The following RNF217 variants were observed in gnomAD, a reference collection of about 807,000 sequenced individuals.
RNF217 encodes the protein ring finger protein 217, also known as E3 ubiquitin-protein ligase RNF217.
Under a neutral mutation model 57.8 loss-of-function variants are expected in RNF217, and 31 were observed. The observed-to-expected ratio is 0.54, with a 90% CI of 0.40 to 0.72. The LOEUF is 0.72. RNF217 is among the 30% of genes least tolerant of loss of function. The pLI, the probability that RNF217 is intolerant of heterozygous loss-of-function variation, is 0.00. For synonymous variants in RNF217, 313 were observed against 294.0 expected (o/e 1.06, Z -0.66); for missense variants, 696 against 708.3 (o/e 0.98, Z 0.20).
At chr6:125,058,305 C>T (rs575462696) in intron 3 of RNF217, among the ~76,000 whole-genome samples, 199 bp downstream of exon 3, 14 of 151,970 alleles carry the variant, frequency 9.2e-5, no homozygotes, top group African/African-American at 3.4e-4. Flanking sequence ...TTTTGCATTA[C>T]TCTTCAAAAT....
chr6:125,031,344 A>AT (rs1330804382), intron 1 of RNF217, among the ~76,000 whole-genome samples: 3 of 152,120 alleles, frequency 2.0e-5, no homozygotes, highest in African/African-American at 7.2e-5. Context: ...GCTGGCTTGA[A>AT]TTTTTCTGTA....
intron 1 of RNF217, among the ~76,000 whole-genome samples, chr6:124,978,448 G>T (rs1056995447): frequency 3.3e-5 from 5 of 151,324 alleles, no homozygotes; most frequent in Non-Finnish European, 7.4e-5. Flanking sequence ...TGAGGGGAAT[G>T]CGGTGGTGCC....
At chr6:125,006,453 A>T (rs1785182437) in intron 1 of RNF217, among the ~76,000 whole-genome samples, 1 of 152,222 alleles carries the variant, frequency 6.6e-6, no homozygotes, top group African/African-American at 2.4e-5. Context: ...ATTATGTTAT[A>T]TAGTTACAAT....
At chr6:124,984,801 G>T (rs1195224255) in intron 1 of RNF217, among the ~76,000 whole-genome samples, 1 of 152,058 alleles carries the variant, frequency 6.6e-6, no homozygotes, top group Non-Finnish European at 1.5e-5. Flanking sequence ...ATACAACTCT[G>T]AAAGGAAATG....
chr6:124,987,533 A>G (rs1784405974), intron 1 of RNF217, among the ~76,000 whole-genome samples: 1 of 152,230 alleles, frequency 6.6e-6, no homozygotes, highest in Non-Finnish European at 1.5e-5. Flanking sequence ...GGAAATTTCA[A>G]GGTCCAAAAA....
At chr6:125,030,448 G>A (rs936507461) in intron 1 of RNF217, among the ~76,000 whole-genome samples, 5 of 152,280 alleles carry the variant, frequency 3.3e-5, no homozygotes, top group African/African-American at 7.2e-5. Flanking sequence ...TCAAAAGCAA[G>A]CTAGTTACTT....
chr6:124,969,311 A>G (rs150787221), intron 1 of RNF217, among the ~76,000 whole-genome samples: 1 of 152,362 alleles, frequency 6.6e-6, no homozygotes, highest in East Asian at 1.9e-4. Flanking sequence ...TAAAGAAAAC[A>G]CAATTTTGCT....
At chr6:124,988,403 AG>A (rs1784434138) in intron 1 of RNF217, among the ~76,000 whole-genome samples, 2 of 152,242 alleles carry the variant, frequency 1.3e-5, no homozygotes, top group Non-Finnish European at 2.9e-5. Flanking sequence ...AAGGCACATC[AG>A]GATATTCAGC....
At chr6:124,983,910 ACTGT>A (rs1784270587) in intron 1 of RNF217, among the ~76,000 whole-genome samples, 1 of 152,138 alleles carries the variant, frequency 6.6e-6, no homozygotes, top group South Asian at 2.1e-4. Flanking sequence ...CAGAAGATTC[ACTGT>A]CTGGTGAGGG....
intron 1 of RNF217, among the ~76,000 whole-genome samples, chr6:124,988,949 T>C (rs1249928590): frequency 6.6e-6 from 1 of 152,122 alleles, no homozygotes; most frequent in African/African-American, 2.4e-5. Flanking sequence ...TGCATGTTAA[T>C]GTTGCTTCCA....
intron 1 of RNF217, among the ~76,000 whole-genome samples, chr6:125,040,740 C>G (rs940218552): frequency 6.6e-6 from 1 of 152,120 alleles, no homozygotes; most frequent in Non-Finnish European, 1.5e-5. Context: ...GCTTATCCAC[C>G]ACGATCAAGT....
intron 1 of RNF217, among the ~76,000 whole-genome samples, chr6:125,034,872 T>C (rs1786536563): frequency 2.0e-5 from 3 of 152,142 alleles, no homozygotes; most frequent in South Asian, 2.1e-4. Context: ...TTTTATTTCA[T>C]TGAGCAGTGG....
rs759139733 is a variant in RNF217, at chr6:125,082,494, G to A, written c.1556-370G>A. 5.0e-6 allele frequency: 8 copies of A among 1,612,412 alleles called. No homozygotes were observed. The highest frequency in any genetic ancestry group is 6.8e-6 in the Non-Finnish European group (8 of 1,179,094). ...TGGAACCTCATAAGTGGTAGAACCA[G>A]GAATCAAACCCAACATTTGGCTCCA... On this transcript the variant is annotated intron_variant, in intron 5 of 5. Transcript: ENST00000521654.
chr6:124,970,210 A>C (rs931928547), intron 1 of RNF217, among the ~76,000 whole-genome samples: 3 of 152,224 alleles, frequency 2.0e-5, no homozygotes. Context: ...CCTTTAAAAG[A>C]GATTACTCCA....
At position 125,076,814 on chromosome 6, in the gene RNF217, C is replaced by T. The variant is rs1425517510; in HGVS notation, c.1439C>T (p.Pro480Leu). 6.2e-7 allele frequency: 1 copy of T among 1,613,622 alleles called. No homozygotes were observed. The highest frequency in any genetic ancestry group is 1.1e-5 in the South Asian group (1 of 91,076). Residue 480 changes from proline (P) to leucine (L), a missense_variant, in exon 4 of 6, where the codon CCA becomes CTA. Physicochemically the swap from Pro to Leu is moderately conservative, Grantham distance 98 (BLOSUM62 -3). Around this residue, in one of 2 missense-constraint regions of RNF217, gnomAD observed 231 missense variants for 321.4 expected, o/e 0.72. Transcript: ENST00000521654. Reference sequence around the variant, plus strand: ...TTTGGATGCAAATATCGCTACCTCCCAGAGAGACCTCATTTAAGGAGATTA... The same window carrying T: ...TTTGGATGCAAATATCGCTACCTCCTAGAGAGACCTCATTTAAGGAGATTA... ...SIFGCKYRYL[P>L]ERPHLRRLVR...
In RNF217 at chr6:125,088,853, T is replaced by C. The variant is rs1025955074; in HGVS notation, c.*5916T>C. ...TGTCACTCTATTCCATTATTAATAC[T>C]AAATGACTTTCCTTGTGAAATGATA... On this transcript the variant is annotated 3_prime_UTR_variant, in exon 6 of 6. Coordinates refer to ENST00000521654, the MANE Select transcript of RNF217 (RefSeq NM_001286398.3). The C allele has an allele frequency of 5.2e-5, 8 of 152,620 alleles. No homozygotes were observed. The highest frequency in any genetic ancestry group is 1.9e-4 in the African/African-American group (8 of 41,456). The allele number at this position is 152,620 out of a possible 1,614,324, so 9.5% of individuals were successfully genotyped here.
chr6:125,052,830 G>A (rs564764276), intron 2 of RNF217, among the ~76,000 whole-genome samples: 13 of 152,040 alleles, frequency 8.6e-5, no homozygotes, highest in Admixed American at 2.6e-4. Flanking sequence ...GTTTCTTTAG[G>A]ACATACCCGA....
In RNF217 at chr6:124,984,556, A is replaced by G. The variant is rs537062878; in HGVS notation, c.882+21130A>G. On this transcript the variant is annotated intron_variant, in intron 1 of 5. Transcript: ENST00000521654. ...GACCCTTTCTCAAAAAAAAAAAAAA[A>G]AAAAAGAAAGAAAGAAAATAGAGTG... Among the ~76,000 whole-genome samples the G allele has an allele frequency of 7.2e-5, 11 of 151,842 alleles. No homozygotes were observed. The South Asian group carries it at 1.9e-3, about 26-fold the overall frequency.
rs966095337 is a variant in RNF217, at chr6:124,962,801, A to C, written c.257A>C (p.Gln86Pro). Residue 86 changes from glutamine to proline, a missense_variant, in exon 1 of 6, where the codon CAG becomes CCG. This residue lies in a region of RNF217 where 465 missense variants were observed against 386.8 expected (regional missense o/e 1.20). Coordinates refer to ENST00000521654, the MANE Select transcript of RNF217 (RefSeq NM_001286398.3). This position sits in a 1 kb window ranked among gnomAD's most constrained non-coding sequence, Gnocchi z 4.6. ...PGWSKSRAPA[Q>P]PAGLALTGPL... ...TGGAGTAAGAGCCGAGCACCGGCGC[A>C]GCCTGCGGGACTGGCACTCACCGGG... 6 of 1,597,320 alleles carry C rather than the reference A, an allele frequency of 3.8e-6. No homozygotes were observed. The highest frequency in any genetic ancestry group is 1.7e-5 in the Admixed American group (1 of 59,986).
Sources: gnomAD v4.1 joint callset for allele counts (sites outside exome capture counted in the v4.1 genomes callset) on GRCh38, gnomAD v4.1.1 for gene constraint, gnomAD v4.1.1 regional missense constraint, Gnocchi (gnomAD v3.1) non-coding constraint, MANE v1.5 for transcripts, NCBI Gene and HGNC (gene_info 2026-07-23, HGNC 2026-07-21) for gene names.